Variants in TNFSF4 observed in about 807,000 individuals in gnomAD.
TNFSF4 encodes the protein TNF superfamily member 4, also known as tumor necrosis factor ligand superfamily member 4.
Under a neutral mutation model 7.3 loss-of-function variants are expected in TNFSF4, and 4 were observed. That is an observed-to-expected ratio of 0.55 (90% CI 0.27 to 1.25). The LOEUF (loss-of-function observed/expected upper bound fraction) is 1.25, where lower values mean the gene tolerates loss of function less well. TNFSF4 is among the 50% of genes most tolerant of loss of function. The pLI is 0.12. For missense variants in TNFSF4, 181 were observed against 208.8 expected (o/e 0.87, Z 0.82); for synonymous variants, 76 against 83.7 (o/e 0.91, Z 0.50).
the TNFSF4 span, among the ~76,000 whole-genome samples, chr1:173,411,738 G>A: frequency 2.0e-5 from 3 of 151,998 alleles, no homozygotes; most frequent in African/African-American, 7.3e-5. Context: ...GGAGGCAGAG[G>A]TTGCAGTGAG....
the TNFSF4 span, among the ~76,000 whole-genome samples, chr1:173,259,961 CCAA>C: frequency 6.6e-6 from 1 of 152,116 alleles, no homozygotes; most frequent in Admixed American, 6.5e-5. Context: ...GCAAGACAGA[CCAA>C]CATTCAAATT....
At chr1:173,448,444 C>T in the TNFSF4 span, among the ~76,000 whole-genome samples, 1 of 152,114 alleles carries the variant, frequency 6.6e-6, no homozygotes, top group Non-Finnish European at 1.5e-5. Flanking sequence ...AAGAGACCAC[C>T]AAATAGGCTT....
At chr1:173,239,388 C>G in the TNFSF4 span, among the ~76,000 whole-genome samples, 1 of 152,136 alleles carries the variant, frequency 6.6e-6, no homozygotes, top group East Asian at 1.9e-4. Context: ...TAACCAAGAC[C>G]CAGTTAAACG....
chr1:173,225,567 T>A, the TNFSF4 span, among the ~76,000 whole-genome samples: 1 of 152,208 alleles, frequency 6.6e-6, no homozygotes, highest in African/African-American at 2.4e-5. Flanking sequence ...ACCAACACTA[T>A]TTTCAGTACC....
chr1:173,428,901 G>A, the TNFSF4 span, among the ~76,000 whole-genome samples: 1 of 152,104 alleles, frequency 6.6e-6, no homozygotes, highest in Non-Finnish European at 1.5e-5. Flanking sequence ...CAGCTATTCG[G>A]GAGTCTGAGG....
At chr1:173,349,617 T>C in the TNFSF4 span, among the ~76,000 whole-genome samples, 1 of 152,166 alleles carries the variant, frequency 6.6e-6, no homozygotes, top group African/African-American at 2.4e-5. Context: ...TTGGTTAAAC[T>C]CAAAAGACTC....
the TNFSF4 span, among the ~76,000 whole-genome samples, chr1:173,227,108 TTTTG>T: frequency 9.9e-6 from 1 of 101,190 alleles, no homozygotes; most frequent in South Asian, 2.9e-4. Flanking sequence ...TAGTCTATTC[TTTTG>T]TTTTTTTTTT....
At chr1:173,351,865 G>T in the TNFSF4 span, 1 of 593,700 alleles carries the variant, frequency 1.7e-6, no homozygotes, top group Admixed American at 2.2e-5. Context: ...GTCCATGTAG[G>T]CATTCACCCC....
chr1:173,202,211 C>T (rs1258930708), intron 1 of TNFSF4, among the ~76,000 whole-genome samples: 1 of 152,126 alleles, frequency 6.6e-6, no homozygotes, highest in African/African-American at 2.4e-5. Flanking sequence ...GATTGTATCC[C>T]TAGATCTATA....
At chr1:173,173,080 A>G in the TNFSF4 span, among the ~76,000 whole-genome samples, 5 of 152,176 alleles carry the variant, frequency 3.3e-5, no homozygotes, top group Admixed American at 3.3e-4. Flanking sequence ...GCTTGGGGGA[A>G]CTACCCCCAT....
chr1:173,178,455 T>G, the TNFSF4 span, among the ~76,000 whole-genome samples: 4 of 152,078 alleles, frequency 2.6e-5, no homozygotes, highest in Admixed American at 6.5e-5. Context: ...GCGCCTGTAG[T>G]CCCAGCTACT....
the TNFSF4 span, among the ~76,000 whole-genome samples, chr1:173,377,454 C>A: frequency 3.9e-5 from 6 of 152,178 alleles, no homozygotes; most frequent in African/African-American, 1.4e-4. Flanking sequence ...GGGGTCCCGA[C>A]AACAAGTTGG....
the TNFSF4 span, among the ~76,000 whole-genome samples, chr1:173,309,288 T>C: frequency 6.6e-6 from 1 of 151,980 alleles, no homozygotes; most frequent in Non-Finnish European, 1.5e-5. Flanking sequence ...ATCCTTATTT[T>C]ATTGTTGATC....
the TNFSF4 span, among the ~76,000 whole-genome samples, chr1:173,349,120 C>A: frequency 4.6e-5 from 7 of 152,284 alleles, 1 homozygote; most frequent in African/African-American, 1.7e-4. Flanking sequence ...GCTCCGCCCC[C>A]CGGGTTCACG....
the TNFSF4 span, among the ~76,000 whole-genome samples, chr1:173,447,725 G>C: frequency 1.3e-5 from 2 of 151,500 alleles, no homozygotes; most frequent in African/African-American, 4.8e-5. Flanking sequence ...GGAAAACAGA[G>C]GAATTAAAGA....
chr1:173,410,536 T>C, the TNFSF4 span, among the ~76,000 whole-genome samples: 22 of 152,342 alleles, frequency 1.4e-4, no homozygotes, highest in Middle Eastern at 6.8e-3. Context: ...AGATTCTATT[T>C]TGGTACCACC....
intron 1 of TNFSF4, among the ~76,000 whole-genome samples, chr1:173,191,722 T>C (rs1649487604): frequency 1.3e-5 from 2 of 152,260 alleles, no homozygotes. Flanking sequence ...TCTGGTTCTT[T>C]GAATTTGGAA....
the TNFSF4 span, among the ~76,000 whole-genome samples, chr1:173,362,102 G>C: frequency 2.6e-5 from 4 of 152,134 alleles, no homozygotes; most frequent in African/African-American, 9.7e-5. Context: ...CATGAGAATG[G>C]CAAATAAGTT....
At chr1:173,298,785 A>G in the TNFSF4 span, among the ~76,000 whole-genome samples, 2 of 151,970 alleles carry the variant, frequency 1.3e-5, no homozygotes, top group Non-Finnish European at 1.5e-5. Flanking sequence ...CAGATGAGGA[A>G]GTAAAATGAC....
Sources: allele counts gnomAD v4.1 joint callset (sites outside exome capture counted in the v4.1 genomes callset), GRCh38; gene constraint gnomAD v4.1.1; transcripts MANE v1.5; gene names NCBI Gene and HGNC (gene_info 2026-07-23, HGNC 2026-07-21).